OCA2: variants seen among roughly 807,000 people sequenced by gnomAD.
OCA2 encodes the protein P protein.
In OCA2, 77 loss-of-function variants were observed where a neutral mutation model predicts 100.2. The ratio of observed to expected loss-of-function variants is 0.77; its 90% CI spans 0.64 to 0.93. The LOEUF (loss-of-function observed/expected upper bound fraction) is 0.93. Ranked by LOEUF, OCA2 falls within the 40% of genes least tolerant of loss-of-function variation. The probability of loss-of-function intolerance (pLI) is 0.00; values close to 1 mark genes in which losing one functional copy is unlikely to be tolerated. For synonymous variants in OCA2, 432 were observed against 439.2 expected (o/e 0.98, Z 0.21); for missense variants, 1,062 against 1,089.1 (o/e 0.98, Z 0.35).
intron 19 of OCA2, among the ~76,000 whole-genome samples, chr15:27,924,787 T>C (rs2038985975): frequency 6.6e-6 from 1 of 152,016 alleles, no homozygotes; most frequent in African/African-American, 2.4e-5. Context: ...ATAGTGAAAA[T>C]AGCAAAGTAG....
chr15:27,940,011 G>T (rs957041619), intron 18 of OCA2, among the ~76,000 whole-genome samples: 4 of 152,184 alleles, frequency 2.6e-5, no homozygotes, highest in Non-Finnish European at 5.9e-5. Flanking sequence ...CCACAGAGCA[G>T]CCTGACCCTG....
intron 2 of OCA2, among the ~76,000 whole-genome samples, chr15:28,049,241 G>T (rs952863801): frequency 2.0e-5 from 3 of 152,130 alleles, no homozygotes; most frequent in Admixed American, 2.0e-4. Context: ...AACATCATTA[G>T]TCATTAGAGA....
chr15:27,949,788 T>C (rs562466535), intron 18 of OCA2, among the ~76,000 whole-genome samples: 1 of 152,358 alleles, frequency 6.6e-6, no homozygotes, highest in Admixed American at 6.5e-5. Context: ...ATTTTGCCCT[T>C]GTTCTATCAG....
At chr15:27,720,598 A>C in the OCA2 span, among the ~76,000 whole-genome samples, 1 of 151,742 alleles carries the variant, frequency 6.6e-6, no homozygotes, top group African/African-American at 2.4e-5. Flanking sequence ...AGGCTGAGCA[A>C]AAAATGAATG....
In OCA2 at chr15:27,927,772, G is replaced by A. The variant is rs544422559; in HGVS notation, c.1952-1518C>T. On this transcript the variant is annotated intron_variant, in intron 18 of 23. Transcript: ENST00000354638. ...CAATTGCATTTTTCTCATGACTAAT[G>A]ACTTTGAGCATCTTTTTTTTTTTTT... Among the ~76,000 whole-genome samples, 7 of 138,894 alleles carry A rather than the reference G, an allele frequency of 5.0e-5. No homozygotes were observed. The South Asian group carries it at 1.7e-3, about 34-fold the overall frequency. 91.1% of individuals were successfully genotyped at this position (138,894 alleles called of 152,430 possible). A position where few individuals can be genotyped will look rare whatever the true frequency, so the allele number is the denominator to read the frequency against.
chr15:27,934,382 T>C (rs1217644876), intron 18 of OCA2, among the ~76,000 whole-genome samples: 1 of 152,216 alleles, frequency 6.6e-6, no homozygotes, highest in Non-Finnish European at 1.5e-5. Flanking sequence ...CCAGGGCACG[T>C]ACCACACAGT....
intron 3 of OCA2, among the ~76,000 whole-genome samples, chr15:28,029,573 G>A (rs1465317221): frequency 6.6e-6 from 1 of 152,176 alleles, no homozygotes; most frequent in Non-Finnish European, 1.5e-5. Context: ...TGTGGCTAGT[G>A]CAACTGAAGA....
chr15:27,924,864 T>C (rs961029565), intron 19 of OCA2, among the ~76,000 whole-genome samples: 46 of 152,254 alleles, frequency 3.0e-4, no homozygotes, highest in African/African-American at 1.0e-3. Flanking sequence ...AATTAAAATG[T>C]AGAAATTGTC....
chr15:27,942,991 T>C (rs1330008387), intron 18 of OCA2, among the ~76,000 whole-genome samples: 1 of 152,200 alleles, frequency 6.6e-6, no homozygotes, highest in Non-Finnish European at 1.5e-5. Flanking sequence ...TAACACAAAC[T>C]GTATGTAATA....
intron 23 of OCA2, among the ~76,000 whole-genome samples, chr15:27,761,374 A>C (rs2030824497): frequency 1.3e-5 from 2 of 152,020 alleles, no homozygotes; most frequent in South Asian, 4.1e-4. Flanking sequence ...ACTTAGGCAT[A>C]AACTTAAATC....
intron 5 of OCA2, 63 bp from the exon 6 acceptor site, chr15:28,022,636 T>G: frequency 7.8e-7 from 1 of 1,278,112 alleles, no homozygotes; most frequent in South Asian, 1.2e-5. Context: ...GTATAAATCA[T>G]TTTGATAACA....
Position 27,985,280 on chromosome 15 carries a change from G to A in OCA2, c.1240-92C>T, listed in dbSNP as rs531085729. Reference sequence around the variant, plus strand: ...TCATTAGTGACTTTAAGAACAGGGAGCCAAACTAACATTACCCCATGGGTT... The same window carrying A: ...TCATTAGTGACTTTAAGAACAGGGAACCAAACTAACATTACCCCATGGGTT... On this transcript the variant is annotated intron_variant, in intron 12 of 23. Coordinates refer to ENST00000354638, the MANE Select transcript of OCA2 (RefSeq NM_000275.3). 29 of 1,478,224 alleles carry A rather than the reference G, an allele frequency of 2.0e-5. 1 individual carries two copies. The South Asian group carries it at 3.3e-4, about 17-fold the overall frequency. 91.6% of individuals were successfully genotyped at this position (1,478,224 alleles called of 1,614,324 possible).
At chr15:27,732,340 C>T in the OCA2 span, among the ~76,000 whole-genome samples, 472 of 152,288 alleles carry the variant, frequency 3.1e-3, 6 homozygotes, top group Admixed American at 9.0e-3. Context: ...GTACACCAGA[C>T]CTGGAGGGCC....
chr15:27,907,753 C>A (rs1469779227), intron 19 of OCA2, among the ~76,000 whole-genome samples: 1 of 152,032 alleles, frequency 6.6e-6, no homozygotes, highest in Non-Finnish European at 1.5e-5. Flanking sequence ...ATTTTAAACC[C>A]TAGGTGAAAT....
chr15:27,852,644 A>C (rs2035796208), intron 21 of OCA2, among the ~76,000 whole-genome samples: 4 of 151,694 alleles, frequency 2.6e-5, no homozygotes, highest in Admixed American at 2.6e-4. Flanking sequence ...CAACCTACAA[A>C]ATGGGAGAAA....
chr15:27,971,381 A>G (rs2040784764), intron 14 of OCA2, among the ~76,000 whole-genome samples: 1 of 152,216 alleles, frequency 6.6e-6, no homozygotes, highest in South Asian at 2.1e-4. Flanking sequence ...TTTGCTCACC[A>G]TGGTGAGTCT....
chr15:27,797,452 C>T (rs559841961), intron 23 of OCA2, among the ~76,000 whole-genome samples: 3 of 152,138 alleles, frequency 2.0e-5, no homozygotes, highest in East Asian at 1.9e-4. Context: ...GTCTGTGAAA[C>T]GGTTTATGGG....
intron 18 of OCA2, among the ~76,000 whole-genome samples, chr15:27,947,707 C>G (rs1242582151): frequency 6.6e-6 from 1 of 152,226 alleles, no homozygotes; most frequent in African/African-American, 2.4e-5. Context: ...GTAAACATTC[C>G]TTCTTGCTCT....
rs185656207 is a variant in OCA2, at chr15:27,924,241, T to C, written c.2079+1886A>G. On this transcript the variant is annotated intron_variant, in intron 19 of 23. Transcript: ENST00000354638. ...TGTGACATACCTAACTTTGACTTAA[T>C]TTTTTTCAATATTTCTAAGCTATGC... 3.0e-3 allele frequency among the ~76,000 whole-genome samples: 458 copies of C among 152,280 alleles called. 2 individuals carry two copies. The highest frequency in any genetic ancestry group is 5.5e-3 in the Non-Finnish European group (371 of 68,028).
Sources: allele counts gnomAD v4.1 joint callset (sites outside exome capture counted in the v4.1 genomes callset), GRCh38; gene constraint gnomAD v4.1.1; transcripts MANE v1.5; gene names NCBI Gene and HGNC (gene_info 2026-07-23, HGNC 2026-07-21).